Variants in SPG7 observed in about 807,000 individuals in gnomAD.
The protein encoded by SPG7 is mitochondrial inner membrane m-AAA protease component paraplegin.
Under a neutral mutation model 81.9 loss-of-function variants are expected in SPG7, and 103 were observed. The observed-to-expected ratio is 1.26, with a 90% confidence interval of 1.07 to 1.48. The LOEUF is 1.48. SPG7 is among the 40% of genes most tolerant of loss of function. The pLI, the probability that SPG7 is intolerant of heterozygous loss-of-function variation, is 0.00. For missense variants in SPG7, 1,241 were observed against 1,087.3 expected (o/e 1.14, Z -1.99); for synonymous variants, 534 against 444.2 (o/e 1.20, Z -2.54).
chr16:89,553,417 C>G, intron 14 of SPG7: 1 of 530,110 alleles, frequency 1.9e-6, no homozygotes, highest in Non-Finnish European at 3.4e-6. Flanking sequence ...ATTGAAGCGG[C>G]TTCATTGTTC....
At chr16:89,530,378 TCGTGATC>T in intron 6 of SPG7, 1 of 420,126 alleles carries the variant, frequency 2.4e-6, no homozygotes, top group East Asian at 5.3e-5. Context: ...TCTCTTGACC[TCGTGATC>T]CGCCCATCTC....
chr16:89,534,221 T>A (rs2152404647), intron 9 of SPG7, among the ~76,000 whole-genome samples: 1 of 152,348 alleles, frequency 6.6e-6, no homozygotes, highest in East Asian at 1.9e-4. Context: ...TGAGTTTGAC[T>A]GTTGTAGGGA....
chr16:89,513,476 A>G (rs2058049447), intron 3 of SPG7, among the ~76,000 whole-genome samples: 1 of 152,084 alleles, frequency 6.6e-6, no homozygotes, highest in South Asian at 2.1e-4. Flanking sequence ...AGATCATGCC[A>G]TTGCACTCCA....
At chr16:89,545,028 CG>C (rs1168628436) in intron 10 of SPG7, 5 of 542,040 alleles carry the variant, frequency 9.2e-6, no homozygotes, top group East Asian at 3.3e-5. Context: ...ACTCACTGCT[CG>C]GGGTTTTGCA....
At chr16:89,513,700 A>C (rs975700690) in intron 3 of SPG7, among the ~76,000 whole-genome samples, 1 of 152,072 alleles carries the variant, frequency 6.6e-6, no homozygotes, top group African/African-American at 2.4e-5. Context: ...GAAGGGTTGA[A>C]CTCAGCTTCA....
chr16:89,511,211 T>C (rs576481272), intron 2 of SPG7, among the ~76,000 whole-genome samples: 1 of 152,222 alleles, frequency 6.6e-6, no homozygotes, highest in Admixed American at 6.5e-5. Context: ...TTTCGTGTTA[T>C]CTAGTCAGCT....
chr16:89,550,914 C>T (rs2058628284), intron 13 of SPG7, among the ~76,000 whole-genome samples: 1 of 152,214 alleles, frequency 6.6e-6, no homozygotes, highest in South Asian at 2.1e-4. Context: ...GTTTCGCTGC[C>T]TTTGCCTGTC....
intron 1 of SPG7, among the ~76,000 whole-genome samples, chr16:89,509,915 A>C (rs1291772798): frequency 6.6e-6 from 1 of 150,722 alleles, no homozygotes; most frequent in Non-Finnish European, 1.5e-5. Context: ...CAGCCTCCCA[A>C]AGTGCTGGGA....
At chr16:89,526,906 G>T in intron 5 of SPG7, 1 of 181,330 alleles carries the variant, frequency 5.5e-6, no homozygotes, top group South Asian at 6.1e-5. Context: ...GGATGCCGAA[G>T]TCTCAGCCCC....
intron 13 of SPG7, 121 bp from the exon 14 acceptor site, chr16:89,552,858 C>A: frequency 1.1e-6 from 1 of 897,510 alleles, no homozygotes; most frequent in Non-Finnish European, 1.8e-6. Flanking sequence ...GTAGAGGATG[C>A]TGCACATTTG....
Position 89,532,646 on chromosome 16 carries a change from C to T in SPG7, c.1324+10C>T, listed in dbSNP as rs202070075. The T allele has an allele frequency of 6.3e-4, 1,022 of 1,612,998 alleles. 5 individuals are homozygous for T. The highest frequency in any genetic ancestry group is 4.0e-3 in the Middle Eastern group (23 of 5,788). On this transcript the variant is annotated intron_variant, in intron 9 of 16. Transcript: ENST00000645818. Reference sequence around the variant, plus strand: ...CTGGTAGAAATGGATGGTCAGTGCTCGTGCGCCCCGCACCCCCATTGCACC... The same window carrying T: ...CTGGTAGAAATGGATGGTCAGTGCTTGTGCGCCCCGCACCCCCATTGCACC...
intron 14 of SPG7, 169 bp downstream of exon 14, chr16:89,553,304 G>C (rs1173346219): frequency 1.4e-6 from 1 of 738,752 alleles, no homozygotes; most frequent in African/African-American, 1.8e-5. Context: ...AGCTAAGCAA[G>C]ACTTCTTAGA....
intron 3 of SPG7, among the ~76,000 whole-genome samples, chr16:89,516,287 C>T (rs954872698): frequency 1.3e-5 from 2 of 151,666 alleles, no homozygotes; most frequent in East Asian, 2.0e-4. Flanking sequence ...CACGCCCGGC[C>T]GTTCGTTTTT....
chr16:89,551,621 G>T (rs200256516), intron 13 of SPG7: 1 of 152,258 alleles, frequency 6.6e-6, no homozygotes, highest in Admixed American at 6.5e-5. Context: ...GGTATGTCAA[G>T]AAATCAAAAT....
At chr16:89,536,482 G>GAGGC (rs2058420614) in intron 9 of SPG7, among the ~76,000 whole-genome samples, 2 of 130,102 alleles carry the variant, frequency 1.5e-5, no homozygotes. Flanking sequence ...TGAGGCGGGT[G>GAGGC]AGGTCAGGTG....
At position 89,531,981 on chromosome 16, in the gene SPG7, G is replaced by A. The variant is rs751358989; in HGVS notation, c.1065G>A (p.Lys355=). 1.2e-6 allele frequency: 2 copies of A among 1,613,942 alleles called. No individual in the cohort carries two copies. The highest frequency in any genetic ancestry group is 1.7e-6 in the Non-Finnish European group (2 of 1,179,864). ...ALLLGPPGCG[K]TLLAKAVATE... ...TGCTCGGCCCCCCCGGCTGTGGGAAGACGCTGCTGGCCAAGGCGGTGGCCA... is the reference window on the plus strand; with the variant it reads ...TGCTCGGCCCCCCCGGCTGTGGGAAAACGCTGCTGGCCAAGGCGGTGGCCA... The change falls in exon 8 of 17, where the codon AAG becomes AAA. Residue 355 remains lysine, a synonymous_variant. Transcript: ENST00000645818.
intron 9 of SPG7, 25 bp downstream of exon 9, chr16:89,532,661 C>T (rs1430312478): frequency 6.2e-7 from 1 of 1,612,384 alleles, no homozygotes; most frequent in Non-Finnish European, 8.5e-7. Flanking sequence ...GCCCCGCACC[C>T]CCATTGCACC....
chr16:89,533,582 G>C (rs762650188), intron 9 of SPG7: 1 of 152,172 alleles, frequency 6.6e-6, no homozygotes, highest in East Asian at 1.9e-4. Context: ...GAGTCTGTCT[G>C]GTTGTGCTGC....
At chr16:89,518,362 A>C (rs563692842) in intron 3 of SPG7, 2 of 152,258 alleles carry the variant, frequency 1.3e-5, no homozygotes, top group Non-Finnish European at 2.9e-5. Context: ...ACCTGGAAGG[A>C]ATTATACGGA....
Sources: gnomAD v4.1 joint callset for allele counts (sites outside exome capture counted in the v4.1 genomes callset) on GRCh38, gnomAD v4.1.1 for gene constraint, MANE v1.5 for transcripts, NCBI Gene and HGNC (gene_info 2026-07-23, HGNC 2026-07-21) for gene names.